NFASC: variants seen among roughly 807,000 people sequenced by gnomAD.
NFASC encodes the protein neurofascin homolog.
A neutral mutation model predicts 147.5 loss-of-function variants in NFASC; 43 were observed. The observed-to-expected ratio is 0.29, with a 90% confidence interval of 0.23 to 0.38. The LOEUF (loss-of-function observed/expected upper bound fraction) is 0.38. Ranked by LOEUF, NFASC falls within the 10% of genes least tolerant of loss-of-function variation. The pLI is 1.00. For synonymous variants in NFASC, 622 were observed against 665.5 expected (o/e 0.93, Z 1.01); for missense variants, 1,320 against 1,689.0 (o/e 0.78, Z 3.83).
intron 2 of NFASC, among the ~76,000 whole-genome samples, chr1:204,930,263 G>A (rs1047371494): frequency 1.3e-5 from 2 of 152,174 alleles, no homozygotes; most frequent in Non-Finnish European, 2.9e-5. Context: ...GAGTCAGCAG[G>A]GGGAGATTTG....
At chr1:204,967,166 A>G (rs2094997724) in intron 8 of NFASC, among the ~76,000 whole-genome samples, 1 of 151,996 alleles carries the variant, frequency 6.6e-6, no homozygotes, top group African/African-American at 2.4e-5. Flanking sequence ...CATTAAACCC[A>G]TGGGTGGGCT....
intron 1 of NFASC, among the ~76,000 whole-genome samples, chr1:204,875,597 G>C (rs1177126904): frequency 1.3e-5 from 2 of 152,204 alleles, no homozygotes; most frequent in African/African-American, 4.8e-5. Context: ...TCGAGGGCTG[G>C]AGAGGTGCAG....
chr1:204,923,934 G>A (rs1340225878), intron 2 of NFASC, among the ~76,000 whole-genome samples: 1 of 152,186 alleles, frequency 6.6e-6, no homozygotes, highest in Non-Finnish European at 1.5e-5. Flanking sequence ...TCCACCAGAG[G>A]CTGGGCTGTT....
intron 1 of NFASC, among the ~76,000 whole-genome samples, chr1:204,892,232 C>A (rs752383338): frequency 5.3e-5 from 8 of 152,208 alleles, no homozygotes; most frequent in Non-Finnish European, 4.4e-5. Context: ...GAATAGTTAA[C>A]CCCTTCCTTT....
intron 1 of NFASC, among the ~76,000 whole-genome samples, chr1:204,920,427 CTTT>C (rs11381518): frequency 8.2e-4 from 98 of 119,532 alleles, no homozygotes; most frequent in Middle Eastern, 0.01. Flanking sequence ...AGGATCTGTC[CTTT>C]TTTTTTTTTT....
intron 2 of NFASC, among the ~76,000 whole-genome samples, chr1:204,926,666 C>T (rs1255899312): frequency 6.6e-6 from 1 of 151,300 alleles, no homozygotes; most frequent in Non-Finnish European, 1.5e-5. Flanking sequence ...CACCCACCTC[C>T]ACCTCCTAAA....
intron 2 of NFASC, among the ~76,000 whole-genome samples, chr1:204,936,696 A>C (rs1267962334): frequency 6.6e-6 from 1 of 151,992 alleles, no homozygotes; most frequent in African/African-American, 2.4e-5. Context: ...CCCCACTTCC[A>C]CCCTGGCCCA....
intron 2 of NFASC, among the ~76,000 whole-genome samples, chr1:204,921,361 A>G (rs1299667110): frequency 6.6e-6 from 1 of 152,230 alleles, no homozygotes; most frequent in Non-Finnish European, 1.5e-5. Context: ...ACAGAGCAGT[A>G]ACGGGCAGTA....
intron 8 of NFASC, among the ~76,000 whole-genome samples, 168 bp downstream of exon 8, chr1:204,957,994 C>T (rs894319849): frequency 2.0e-5 from 3 of 152,192 alleles, no homozygotes; most frequent in African/African-American, 7.2e-5. Flanking sequence ...TAAACGATCT[C>T]TCTTGATTGT....
In NFASC at chr1:205,009,599, T is replaced by A; in HGVS notation, c.3332T>A (p.Phe1111Tyr). ...NQADIATQGW[F>Y]IGLMCAIALL... ...GCGGACATCGCCACCCAGGGCTGGTTCATTGGGCTTATGTGCGCCATCGCC... is the reference window on the plus strand; with the variant it reads ...GCGGACATCGCCACCCAGGGCTGGTACATTGGGCTTATGTGCGCCATCGCC... Residue 1111 changes from phenylalanine (F) to tyrosine (Y), a missense_variant, in exon 28 of 30, where the codon TTC (phenylalanine) becomes TAC (tyrosine). Transcript: ENST00000339876. 1 of 1,614,162 alleles carries A rather than the reference T, an allele frequency of 6.2e-7. No individual in the cohort carries two copies. The highest frequency in any genetic ancestry group is 1.6e-4 in the Middle Eastern group (1 of 6,062).
chr1:204,996,684 G>C (rs909331805), intron 24 of NFASC, among the ~76,000 whole-genome samples: 1 of 152,176 alleles, frequency 6.6e-6, no homozygotes, highest in Non-Finnish European at 1.5e-5. Flanking sequence ...GGTGATTTTG[G>C]AGTGATTGGT....
intron 3 of NFASC, chr1:204,946,818 G>T: frequency 2.0e-6 from 1 of 501,074 alleles, no homozygotes; most frequent in South Asian, 1.4e-5. Flanking sequence ...TTTTTCGGCA[G>T]ACCCCACGGG....
chr1:204,856,373 T>C (rs2076155255), intron 1 of NFASC, among the ~76,000 whole-genome samples: 1 of 108,844 alleles, frequency 9.2e-6, no homozygotes, highest in Non-Finnish European at 2.0e-5. Context: ...CAAGGAGAGA[T>C]GCAGAACAGG....
intron 1 of NFASC, among the ~76,000 whole-genome samples, chr1:204,907,566 C>T (rs185312606): frequency 3.7e-4 from 57 of 152,278 alleles, no homozygotes; most frequent in Admixed American, 1.2e-3. Context: ...TGGCACCTTG[C>T]GAAGATATTG....
intron 27 of NFASC, 45 bp downstream of exon 27, chr1:205,002,793 T>G: frequency 3.0e-6 from 4 of 1,351,354 alleles, no homozygotes; most frequent in Non-Finnish European, 3.9e-6. Context: ...GCATGGGGCA[T>G]TTCATTCTCA....
rs920541101 is a variant in NFASC at position 204,861,746 on chromosome 1, C to T, written c.-200+32964C>T. Among the ~76,000 whole-genome samples the T allele has an allele frequency of 9.2e-5, 14 of 152,218 alleles. No individual in the cohort carries two copies. The East Asian group carries it at 1.7e-3, about 19-fold the overall frequency. ...CCTCGTGATCTGCCCACCTCGGCCT[C>T]CCAAAGTGCTGGGATTACAGGCGTG... On this transcript the variant is annotated intron_variant, in intron 1 of 29. Transcript: ENST00000339876.
intron 1 of NFASC, among the ~76,000 whole-genome samples, chr1:204,870,154 T>A (rs991898307): frequency 1.3e-5 from 2 of 152,118 alleles, no homozygotes; most frequent in Non-Finnish European, 2.9e-5. Context: ...TGGAAATAGT[T>A]TCATCAGGGG....
rs1464145800 is a variant in NFASC at position 204,987,745 on chromosome 1, AG to A, written c.2593+208del. On this transcript the variant is annotated intron_variant, in intron 22 of 29. Coordinates refer to ENST00000339876, the MANE Select transcript of NFASC (RefSeq NM_001005388.3). This position sits in a 1 kb window ranked among gnomAD's most constrained non-coding sequence, Gnocchi z 4.4. ...GCTCTCCTTTCATAGTTCTGCCTGC[AG>A]GGAGCTTCTAGTCTCACTGATGAGA... Among the ~76,000 whole-genome samples, 4 of 152,336 alleles carry A rather than the reference AG, an allele frequency of 2.6e-5. No individual in the cohort carries two copies. Among genetic ancestry groups the A allele is most frequent in the Admixed American group, 2.6e-4 (4 of 15,304 alleles).
intron 11 of NFASC, 118 bp downstream of exon 11, chr1:204,970,865 T>G (rs889426243): frequency 6.2e-6 from 8 of 1,292,780 alleles, no homozygotes; most frequent in African/African-American, 1.5e-5. Context: ...AGAAGCCCAC[T>G]GGTGGCTGTT....
Sources: gnomAD v4.1 joint callset for allele counts (sites outside exome capture counted in the v4.1 genomes callset) on GRCh38, gnomAD v4.1.1 for gene constraint, Gnocchi (gnomAD v3.1) non-coding constraint, MANE v1.5 for transcripts, NCBI Gene and HGNC (gene_info 2026-07-23, HGNC 2026-07-21) for gene names.